The following ZFPM2 variants were observed in gnomAD, a reference collection of about 807,000 sequenced individuals.
ZFPM2 encodes the protein zinc finger protein ZFPM2.
ZFPM2 carries 20 observed loss-of-function variants against 98.6 expected under a neutral mutation model. That is an observed-to-expected ratio of 0.20 (90% CI 0.14 to 0.29). The LOEUF is 0.29. Among genes scored for constraint, ZFPM2 ranks in the 10% least tolerant of loss-of-function variants. ZFPM2 has a pLI of 1.00. For synonymous variants in ZFPM2, 518 were observed against 502.7 expected (o/e 1.03, Z -0.41); for missense variants, 1,310 against 1,388.6 (o/e 0.94, Z 0.90).
At chr8:105,569,858 G>A (rs1197014699) in intron 4 of ZFPM2, among the ~76,000 whole-genome samples, 2 of 151,964 alleles carry the variant, frequency 1.3e-5, no homozygotes, top group Non-Finnish European at 2.9e-5. Context: ...GGTGGCAGTC[G>A]CCCACTGTGA....
chr8:105,757,136 A>G (rs1029170882), intron 5 of ZFPM2, among the ~76,000 whole-genome samples: 10 of 152,112 alleles, frequency 6.6e-5, no homozygotes, highest in Admixed American at 2.6e-4. Context: ...TAGTCCAACC[A>G]TTTTTTATTA....
At chr8:105,715,042 A>G (rs1290150603) in intron 5 of ZFPM2, among the ~76,000 whole-genome samples, 3 of 152,094 alleles carry the variant, frequency 2.0e-5, no homozygotes, top group Admixed American at 6.6e-5. Context: ...AGAAAGAGCA[A>G]CCAACATTCA....
chr8:105,327,851 G>A (rs1379690256), intron 1 of ZFPM2, among the ~76,000 whole-genome samples: 3 of 151,534 alleles, frequency 2.0e-5, no homozygotes, highest in African/African-American at 7.3e-5. Context: ...AGCATAAAAG[G>A]CCTTTTTTTC....
Position 105,533,885 on chromosome 8 carries a change from CT to C in ZFPM2, c.302-27476del, listed in dbSNP as rs1318080869. ...CCTTTCTCCCTCCCTCCCTTCTTTC[CT>C]TCCTTCCTTTCTTCCTACCTCCTTC... On this transcript the variant is annotated intron_variant, in intron 3 of 7. Coordinates refer to ENST00000407775, the MANE Select transcript of ZFPM2 (RefSeq NM_012082.4). Among the ~76,000 whole-genome samples the C allele has an allele frequency of 8.3e-4, 18 of 21,658 alleles. 1 individual carries two copies. The highest frequency in any genetic ancestry group is 5.6e-3 in the African/African-American group (7 of 1,246). 14.2% of individuals were successfully genotyped at this position (21,658 alleles called of 152,430 possible). A position where few individuals can be genotyped will look rare whatever the true frequency, so the allele number is the denominator to read the frequency against.
At chr8:105,329,420 T>C (rs756841471) in intron 1 of ZFPM2, among the ~76,000 whole-genome samples, 46 of 151,878 alleles carry the variant, frequency 3.0e-4, no homozygotes, top group Non-Finnish European at 4.4e-4. Flanking sequence ...ACTACTTCCA[T>C]GTTAATTTAA....
intron 4 of ZFPM2, among the ~76,000 whole-genome samples, chr8:105,586,978 T>C (rs1253123602): frequency 6.6e-6 from 1 of 151,554 alleles, no homozygotes; most frequent in Non-Finnish European, 1.5e-5. Context: ...GTATGCAGCA[T>C]TAAAAGCTTT....
At chr8:105,448,442 A>T (rs193222331) in intron 3 of ZFPM2, among the ~76,000 whole-genome samples, 1 of 151,890 alleles carries the variant, frequency 6.6e-6, no homozygotes, top group African/African-American at 2.4e-5. Context: ...ATAAATATTT[A>T]TCTTGCATTT....
chr8:105,459,115 T>A (rs1812656104), intron 3 of ZFPM2, among the ~76,000 whole-genome samples: 1 of 152,158 alleles, frequency 6.6e-6, no homozygotes, highest in African/African-American at 2.4e-5. Flanking sequence ...ACTCCTTCAC[T>A]CAGGCTATAG....
chr8:105,350,106 G>A (rs1586308822), intron 1 of ZFPM2, among the ~76,000 whole-genome samples: 2 of 152,164 alleles, frequency 1.3e-5, no homozygotes, highest in Admixed American at 1.3e-4. Flanking sequence ...GGGTGATGGT[G>A]CAGGAGGAAA....
intron 3 of ZFPM2, among the ~76,000 whole-genome samples, chr8:105,558,044 C>T (rs1815040017): frequency 7.0e-6 from 1 of 142,780 alleles, no homozygotes; most frequent in Admixed American, 7.0e-5. Context: ...GGCCGTTCAG[C>T]TGGTTATTGA....
intron 4 of ZFPM2, among the ~76,000 whole-genome samples, chr8:105,613,726 G>A (rs572083746): frequency 2.7e-4 from 41 of 152,192 alleles, no homozygotes; most frequent in Non-Finnish European, 5.4e-4. Flanking sequence ...TTAAGACTCT[G>A]TTATGAAGAA....
intron 1 of ZFPM2, among the ~76,000 whole-genome samples, chr8:105,396,233 A>G (rs547867467): frequency 2.6e-5 from 4 of 152,320 alleles, no homozygotes; most frequent in East Asian, 1.9e-4. Context: ...TTCACATAAC[A>G]TATTCGTTAG....
At chr8:105,607,055 G>T (rs981582246) in intron 4 of ZFPM2, among the ~76,000 whole-genome samples, 6 of 152,006 alleles carry the variant, frequency 3.9e-5, no homozygotes, top group African/African-American at 1.2e-4. Context: ...CACAGATTTC[G>T]TGCCTTTGAT....
intron 3 of ZFPM2, among the ~76,000 whole-genome samples, chr8:105,558,540 A>G (rs1322850746): frequency 6.6e-6 from 1 of 152,150 alleles, no homozygotes; most frequent in Non-Finnish European, 1.5e-5. Flanking sequence ...GAAACTTTGG[A>G]GACATTTGGA....
chr8:105,534,686 G>A (rs1211896565), intron 3 of ZFPM2, among the ~76,000 whole-genome samples: 2 of 152,148 alleles, frequency 1.3e-5, no homozygotes, highest in Non-Finnish European at 2.9e-5. Flanking sequence ...GCAGCTCAGT[G>A]AAAATACATG....
chr8:105,492,148 A>C (rs1813367942), intron 3 of ZFPM2, among the ~76,000 whole-genome samples: 1 of 152,146 alleles, frequency 6.6e-6, no homozygotes, highest in Admixed American at 6.5e-5. Flanking sequence ...AAAACAAAGA[A>C]ATTCAAATAT....
chr8:105,726,708 T>C (rs1342138666), intron 5 of ZFPM2, among the ~76,000 whole-genome samples: 2 of 151,746 alleles, frequency 1.3e-5, no homozygotes, highest in South Asian at 4.1e-4. Flanking sequence ...TAATATCACA[T>C]CTTAAGTTTC....
chr8:105,362,313 C>T (rs1407985984), intron 1 of ZFPM2, among the ~76,000 whole-genome samples: 1 of 151,898 alleles, frequency 6.6e-6, no homozygotes, highest in Non-Finnish European at 1.5e-5. Context: ...TGTGAGGTGA[C>T]AATAACTATA....
At chr8:105,629,790 TG>T (rs1313098057) in intron 4 of ZFPM2, among the ~76,000 whole-genome samples, 1 of 152,228 alleles carries the variant, frequency 6.6e-6, no homozygotes, top group Non-Finnish European at 1.5e-5. Context: ...CTTTAGTTTC[TG>T]CTCTCAGTCC....
Sources: gnomAD v4.1 joint callset for allele counts (sites outside exome capture counted in the v4.1 genomes callset) on GRCh38, gnomAD v4.1.1 for gene constraint, MANE v1.5 for transcripts, NCBI Gene and HGNC (gene_info 2026-07-23, HGNC 2026-07-21) for gene names.